The following MAP7 variants were observed in gnomAD, a reference collection of about 807,000 sequenced individuals.
The protein encoded by MAP7 is microtubule associated protein 7.
In MAP7, 52 loss-of-function variants were observed where a neutral mutation model predicts 94.8. The observed-to-expected ratio is 0.55, with a 90% confidence interval of 0.44 to 0.69. The LOEUF (loss-of-function observed/expected upper bound fraction) is 0.69. MAP7 is among the 30% of genes least tolerant of loss of function. MAP7 has a pLI of 0.00. For missense variants in MAP7, 940 were observed against 964.6 expected (o/e 0.97, Z 0.34); for synonymous variants, 350 against 357.0 (o/e 0.98, Z 0.22).
chr6:136,409,174 A>G (rs962971933), intron 3 of MAP7, among the ~76,000 whole-genome samples: 2 of 152,208 alleles, frequency 1.3e-5, no homozygotes, highest in Non-Finnish European at 2.9e-5. Context: ...TGAAAAAAGA[A>G]ATGAGATTGA....
intron 1 of MAP7, among the ~76,000 whole-genome samples, chr6:136,433,286 G>A (rs1317119215): frequency 6.6e-6 from 1 of 152,078 alleles, no homozygotes; most frequent in African/African-American, 2.4e-5. Context: ...TTTTCAATAT[G>A]TGGCTACAGG....
At chr6:136,442,210 C>T (rs865967226) in intron 1 of MAP7, among the ~76,000 whole-genome samples, 1 of 151,490 alleles carries the variant, frequency 6.6e-6, no homozygotes, top group African/African-American at 2.4e-5. Flanking sequence ...TGAGACCAGC[C>T]TGGCCAACAT....
intron 1 of MAP7, among the ~76,000 whole-genome samples, chr6:136,465,235 G>T (rs954254828): frequency 3.3e-5 from 5 of 152,154 alleles, no homozygotes; most frequent in African/African-American, 1.2e-4. Context: ...TACAAAAATT[G>T]AGTATTTTAA....
chr6:136,470,736 G>A (rs1027346274), intron 1 of MAP7, among the ~76,000 whole-genome samples: 1 of 151,956 alleles, frequency 6.6e-6, no homozygotes, highest in Non-Finnish European at 1.5e-5. Context: ...AAAGGGGTGT[G>A]TGTGCGTTTT....
intron 1 of MAP7, among the ~76,000 whole-genome samples, chr6:136,480,641 C>CAAAAAAAAAA (rs769951186): frequency 4.5e-4 from 9 of 20,154 alleles, no homozygotes; most frequent in African/African-American, 9.1e-4. Flanking sequence ...GACTCTGCCT[C>CAAAAAAAAAA]AAAAAAAAAA....
intron 1 of MAP7, among the ~76,000 whole-genome samples, chr6:136,443,964 CATT>C (rs1798613615): frequency 1.3e-5 from 2 of 152,282 alleles, no homozygotes; most frequent in Admixed American, 1.3e-4. Context: ...ATTAATGCAT[CATT>C]GTCATAGGGC....
At chr6:136,385,808 C>T (rs1476781263) in intron 5 of MAP7, among the ~76,000 whole-genome samples, 1 of 152,116 alleles carries the variant, frequency 6.6e-6, no homozygotes, top group African/African-American at 2.4e-5. Context: ...TCTCATTCTG[C>T]CAGCCAGGCT....
At position 136,346,218 on chromosome 6, in the gene MAP7, T is replaced by C. The variant is rs1366911898; in HGVS notation, c.2016-139A>G. 8 of 598,784 alleles carry C rather than the reference T, an allele frequency of 1.3e-5. No individual in the cohort carries two copies. In the South Asian group the frequency reaches 1.7e-4, roughly 13 times the overall value. 37.1% of individuals were successfully genotyped at this position (598,784 alleles called of 1,614,324 possible). Reference sequence around the variant, plus strand: ...AAAATCAGACTGGTGAGTCACATCATTACTAACAAAAATAATAAATTGTGG... The same window carrying C: ...AAAATCAGACTGGTGAGTCACATCACTACTAACAAAAATAATAAATTGTGG... On this transcript the variant is annotated intron_variant, in intron 16 of 17. Transcript: ENST00000354570.
chr6:136,488,808 C>T (rs778471279), intron 1 of MAP7, among the ~76,000 whole-genome samples: 10 of 152,150 alleles, frequency 6.6e-5, no homozygotes, highest in Non-Finnish European at 1.5e-4. Flanking sequence ...TAATAGGAAA[C>T]ACATGCAAGT....
intron 1 of MAP7, among the ~76,000 whole-genome samples, chr6:136,510,556 C>T (rs978148107): frequency 2.1e-4 from 32 of 152,092 alleles, no homozygotes; most frequent in African/African-American, 7.5e-4. Flanking sequence ...TGAGGCTTTT[C>T]TTCAGGTAGG....
chr6:136,457,553 C>T (rs1226589308), intron 1 of MAP7, among the ~76,000 whole-genome samples: 1 of 151,980 alleles, frequency 6.6e-6, no homozygotes, highest in Non-Finnish European at 1.5e-5. Flanking sequence ...AAGACAGATG[C>T]AAAAATACTC....
chr6:136,414,983 G>A (rs1267730828), intron 2 of MAP7, among the ~76,000 whole-genome samples: 1 of 151,768 alleles, frequency 6.6e-6, no homozygotes. Flanking sequence ...CCCAGCTATT[G>A]TATTTTTAGT....
chr6:136,421,092 C>T (rs533530498), intron 2 of MAP7, among the ~76,000 whole-genome samples: 3 of 152,218 alleles, frequency 2.0e-5, no homozygotes, highest in Non-Finnish European at 2.9e-5. Context: ...ACTGTCGGTT[C>T]AATTGTTTGT....
intron 16 of MAP7, among the ~76,000 whole-genome samples, chr6:136,351,267 A>G (rs1346664787): frequency 1.3e-5 from 2 of 152,116 alleles, no homozygotes; most frequent in African/African-American, 4.8e-5. Context: ...AAAAACAAAA[A>G]AAAGCCAATA....
At chr6:136,541,793 T>C (rs1327925945) in intron 1 of MAP7, among the ~76,000 whole-genome samples, 1 of 152,230 alleles carries the variant, frequency 6.6e-6, no homozygotes, top group East Asian at 1.9e-4. Context: ...GAGTGGTGGC[T>C]CCCACCTGTA....
Position 136,416,989 on chromosome 6 carries a change from C to T in MAP7, c.166+4712G>A, listed in dbSNP as rs1422147502. On this transcript the variant is annotated intron_variant, in intron 2 of 17. Transcript: ENST00000354570. ...AAAAAATTAGCCAAGAGTGATGGCA[C>T]ATGCTTGTGGTCCCAGCTACTCAGG... Among the ~76,000 whole-genome samples the T allele has an allele frequency of 3.9e-5, 6 of 152,124 alleles. No individual in the cohort carries two copies. The East Asian group carries it at 1.2e-3, about 29-fold the overall frequency.
intron 1 of MAP7, among the ~76,000 whole-genome samples, chr6:136,504,564 C>T (rs538752149): frequency 7.9e-5 from 12 of 151,744 alleles, no homozygotes; most frequent in Non-Finnish European, 1.6e-4. Flanking sequence ...AGGCTCATCT[C>T]GAACTCCTGG....
At chr6:136,513,273 G>T (rs948531101) in intron 1 of MAP7, among the ~76,000 whole-genome samples, 2 of 152,144 alleles carry the variant, frequency 1.3e-5, no homozygotes, top group South Asian at 4.1e-4. Flanking sequence ...TTCAAAAATG[G>T]ACTCTATCCT....
chr6:136,465,357 A>G (rs996224400), intron 1 of MAP7, among the ~76,000 whole-genome samples: 1 of 152,192 alleles, frequency 6.6e-6, no homozygotes, highest in Non-Finnish European at 1.5e-5. Context: ...AGTAACCTCT[A>G]TTTCATCTGA....
Sources: gnomAD v4.1 joint callset for allele counts (sites outside exome capture counted in the v4.1 genomes callset) on GRCh38, gnomAD v4.1.1 for gene constraint, MANE v1.5 for transcripts, NCBI Gene and HGNC (gene_info 2026-07-23, HGNC 2026-07-21) for gene names.